The following FOLH1 variants were observed in gnomAD, a reference collection of about 807,000 sequenced individuals.
FOLH1 encodes the protein glutamate carboxypeptidase 2.
FOLH1 carries 54 observed loss-of-function variants against 93.9 expected under a neutral mutation model. The observed-to-expected ratio is 0.57, with a 90% CI of 0.46 to 0.72. The LOEUF (loss-of-function observed/expected upper bound fraction) is 0.72, where lower values mean the gene tolerates loss of function less well. Among genes scored for constraint, FOLH1 ranks in the 30% least tolerant of loss-of-function variants. FOLH1 has a pLI of 0.00. For synonymous variants in FOLH1, 249 were observed against 303.6 expected, an observed-to-expected ratio of 0.82 and a Z score of 1.87; for missense variants, 571 against 892.5, an observed-to-expected ratio of 0.64 and a Z score of 4.59.
chr11:49,205,499 T>C (rs1863810430), intron 2 of FOLH1, among the ~76,000 whole-genome samples: 1 of 152,152 alleles, frequency 6.6e-6, no homozygotes, highest in Admixed American at 6.5e-5. Context: ...ATCCAAAGTA[T>C]TAATAGGCAA....
intron 11 of FOLH1, among the ~76,000 whole-genome samples, chr11:49,170,671 T>C (rs976925716): frequency 6.6e-6 from 1 of 152,138 alleles, no homozygotes; most frequent in African/African-American, 2.4e-5. Context: ...AAATCAAACA[T>C]GATACAGGAA....
At chr11:49,198,374 A>C (rs172129) in intron 3 of FOLH1, among the ~76,000 whole-genome samples, 54,378 of 146,374 alleles carry the variant, frequency 0.37, 10,804 homozygotes, top group African/African-American at 0.55. Context: ...CCCAGCTACT[A>C]GGGAGGCTGA....
At chr11:49,149,064 G>T (rs1011448342) in intron 17 of FOLH1, among the ~76,000 whole-genome samples, 1 of 151,758 alleles carries the variant, frequency 6.6e-6, no homozygotes, top group South Asian at 2.1e-4. Flanking sequence ...TGAACAATGA[G>T]AACACTTGGA....
intron 6 of FOLH1, 51 bp downstream of exon 6, chr11:49,185,618 G>T: frequency 6.2e-7 from 1 of 1,604,598 alleles, no homozygotes; most frequent in Non-Finnish European, 8.5e-7. Context: ...CTTTAATAAA[G>T]TCTCTTTCAA....
intron 2 of FOLH1, among the ~76,000 whole-genome samples, chr11:49,204,764 ATGTG>A (rs956828189): frequency 1.3e-5 from 2 of 151,940 alleles, no homozygotes; most frequent in African/African-American, 4.8e-5. Flanking sequence ...ACCTATGTGC[ATGTG>A]TGTGTGTGTA....
intron 3 of FOLH1, among the ~76,000 whole-genome samples, chr11:49,198,978 C>A (rs1002148460): frequency 1.1e-4 from 17 of 152,060 alleles, no homozygotes; most frequent in Middle Eastern, 3.4e-3. Context: ...ATATGAAAAG[C>A]TCCAATCACA....
At chr11:49,162,924 T>C (rs1857887676) in intron 13 of FOLH1, 1 of 152,154 alleles carries the variant, frequency 6.6e-6, no homozygotes, top group Non-Finnish European at 1.5e-5. Context: ...TGTGAAACAG[T>C]AAAGAATGCA....
intron 3 of FOLH1, among the ~76,000 whole-genome samples, chr11:49,195,486 T>C (rs1368449880): frequency 1.3e-5 from 2 of 152,124 alleles, no homozygotes; most frequent in African/African-American, 4.8e-5. Context: ...TGTCAATAAG[T>C]TAAGCATTCT....
At chr11:49,200,670 A>G (rs1863167404) in intron 2 of FOLH1, among the ~76,000 whole-genome samples, 1 of 152,150 alleles carries the variant, frequency 6.6e-6, no homozygotes, top group Non-Finnish European at 1.5e-5. Context: ...TTTTTGTATC[A>G]TTATGTGTAA....
At chr11:49,174,523 T>C (rs1239590077) in intron 9 of FOLH1, among the ~76,000 whole-genome samples, 1 of 152,140 alleles carries the variant, frequency 6.6e-6, no homozygotes, top group Non-Finnish European at 1.5e-5. Context: ...ATATTTTATA[T>C]AGATGTTTAT....
chr11:49,154,067 C>A, intron 16 of FOLH1, 140 bp from the exon 17 acceptor site: 1 of 1,331,552 alleles, frequency 7.5e-7, no homozygotes, highest in Non-Finnish European at 1.0e-6. Flanking sequence ...TATTATAAGA[C>A]GTGAGCATCC....
intron 12 of FOLH1, among the ~76,000 whole-genome samples, chr11:49,165,823 A>G (rs541145213): frequency 1.3e-5 from 2 of 152,358 alleles, no homozygotes; most frequent in South Asian, 4.1e-4. Flanking sequence ...TTGATTTTAG[A>G]TTCTAAAATT....
intron 12 of FOLH1, among the ~76,000 whole-genome samples, chr11:49,166,287 T>C (rs1379941335): frequency 2.0e-5 from 3 of 152,132 alleles, no homozygotes; most frequent in Non-Finnish European, 2.9e-5. Flanking sequence ...AGTGTAGTGG[T>C]TAGAGGGGTA....
intron 17 of FOLH1, among the ~76,000 whole-genome samples, chr11:49,150,977 T>C (rs1156341919): frequency 6.6e-6 from 1 of 152,206 alleles, no homozygotes; most frequent in East Asian, 1.9e-4. Flanking sequence ...AAATGTGATT[T>C]TTAATTTTCA....
Position 49,156,813 on chromosome 11 carries a change from A to T in FOLH1, c.1533-6T>A. 6.2e-7 allele frequency: 1 copy of T among 1,611,450 alleles called. No individual in the cohort carries two copies. The highest frequency in any genetic ancestry group is 8.5e-7 in the Non-Finnish European group (1 of 1,178,392). On this transcript the variant is annotated splice_region_variant and splice_polypyrimidine_tract_variant and intron_variant, in intron 14 of 18. Transcript: ENST00000256999. ...CAGATCCCAATTTGCTTATCCTTTT[A>T]GAGATAAAACAACAGAATTATTTCA...
intron 3 of FOLH1, among the ~76,000 whole-genome samples, chr11:49,197,009 C>T (rs1329934239): frequency 6.6e-6 from 1 of 152,100 alleles, no homozygotes; most frequent in Non-Finnish European, 1.5e-5. Flanking sequence ...AAAATGAAAC[C>T]AAATCAACTA....
chr11:49,185,075 T>C (rs1440042460), intron 6 of FOLH1, among the ~76,000 whole-genome samples: 1 of 152,192 alleles, frequency 6.6e-6, no homozygotes, highest in Non-Finnish European at 1.5e-5. Flanking sequence ...TTGAAAGTTA[T>C]CTCTGTTATC....
intron 3 of FOLH1, among the ~76,000 whole-genome samples, chr11:49,196,598 A>C (rs1862647033): frequency 6.8e-6 from 1 of 146,178 alleles, no homozygotes; most frequent in Admixed American, 6.8e-5. Flanking sequence ...AAGTTCAAAA[A>C]ATATAAGATT....
At chr11:49,194,999 G>A (rs1233693513) in intron 3 of FOLH1, among the ~76,000 whole-genome samples, 1 of 151,954 alleles carries the variant, frequency 6.6e-6, no homozygotes, top group Admixed American at 6.6e-5. Context: ...AATAAAGGAA[G>A]CAGACAAAAT....
Sources: gnomAD v4.1 joint callset for allele counts (sites outside exome capture counted in the v4.1 genomes callset) on GRCh38, gnomAD v4.1.1 for gene constraint, MANE v1.5 for transcripts, NCBI Gene and HGNC (gene_info 2026-07-23, HGNC 2026-07-21) for gene names.